PRUNE1: variants seen among roughly 807,000 people sequenced by gnomAD.
PRUNE1 encodes exopolyphosphatase PRUNE1.
PRUNE1 carries 25 observed loss-of-function variants against 42.5 expected under a neutral mutation model. The ratio of observed to expected loss-of-function variants is 0.59; its 90% CI spans 0.43 to 0.82. PRUNE1 has a LOEUF of 0.82. PRUNE1 is among the 40% of genes least tolerant of loss of function. PRUNE1 has a pLI of 0.00. For synonymous variants in PRUNE1, 203 were observed against 217.1 expected, an observed-to-expected ratio of 0.93 and a Z score of 0.57; for missense variants, 443 against 539.3, an observed-to-expected ratio of 0.82 and a Z score of 1.77.
intron 7 of PRUNE1, among the ~76,000 whole-genome samples, chr1:151,029,578 A>G (rs979411670): frequency 6.6e-6 from 1 of 151,566 alleles, no homozygotes; most frequent in African/African-American, 2.4e-5. Flanking sequence ...CGTGTTAGCC[A>G]GGATAGTCTC....
In PRUNE1 at chr1:151,017,439, G is replaced by A. The variant is rs1674174712; in HGVS notation, c.40-373G>A. Among the ~76,000 whole-genome samples the A allele has an allele frequency of 3.9e-5, 6 of 152,192 alleles. No individual in the cohort carries two copies. In the South Asian group the frequency reaches 1.2e-3, roughly 32 times the overall value. On this transcript the variant is annotated intron_variant, in intron 1 of 7. Transcript: ENST00000271620. ...TGAAGATCAATGAGAGGAAGTGTGT[G>A]AAGCCCTACATGAGTATAAGGTAGA...
chr1:151,021,239 T>G (rs1245513694), intron 3 of PRUNE1, among the ~76,000 whole-genome samples: 1 of 151,978 alleles, frequency 6.6e-6, no homozygotes, highest in East Asian at 1.9e-4. Flanking sequence ...CAGAATCACC[T>G]GAGGTCAGGA....
chr1:151,013,306 T>A (rs1673895408), intron 1 of PRUNE1, among the ~76,000 whole-genome samples: 1 of 152,192 alleles, frequency 6.6e-6, no homozygotes. Context: ...GGAATGCTGC[T>A]GCCTCCCTTG....
At chr1:151,031,992 C>T (rs587749879) in intron 7 of PRUNE1, among the ~76,000 whole-genome samples, 1 of 152,294 alleles carries the variant, frequency 6.6e-6, no homozygotes, top group East Asian at 1.9e-4. Context: ...TGCCTGTAAT[C>T]CCAGAACTTT....
chr1:151,027,252 G>T lies in PRUNE1; in HGVS notation c.699G>T (p.Met233Ile). ...TTCTAGGACTGACCACTGAGCAGAT[G>T]CTGAGAAAAGACCAGAAGACTATCT... Reference protein sequence around the residue: ...FDVSGLTTEQMLRKDQKTIYR... With the variant: ...FDVSGLTTEQILRKDQKTIYR... Residue 233 changes from methionine (M) to isoleucine (I), a missense_variant, in exon 6 of 8, where the codon ATG (methionine) becomes ATT (isoleucine). Met to Ile is a conservative substitution (Grantham distance 10, BLOSUM62 1). Transcript: ENST00000271620. 1.2e-6 allele frequency: 2 copies of T among 1,610,176 alleles called. No homozygotes were observed. The highest frequency in any genetic ancestry group is 1.7e-5 in the Admixed American group (1 of 59,984).
chr1:151,028,936 C>G lies in PRUNE1; in HGVS notation c.925C>G (p.Gln309Glu), dbSNP rs746022484. ...TATTTTCTGTCCCCATGTGGCACTCCAAACAACGGTGAGTCTGTGTCCCTT... is the reference window on the plus strand; with the variant it reads ...TATTTTCTGTCCCCATGTGGCACTCGAAACAACGGTGAGTCTGTGTCCCTT... ...LAIFCPHVAL[Q>E]TTICEVLERS... is the part of the protein sequence containing the mutation. Residue 309 changes from glutamine (Q) to glutamate (E), a missense_variant, in exon 7 of 8, where the codon CAA becomes GAA. Coordinates refer to ENST00000271620, the MANE Select transcript of PRUNE1 (RefSeq NM_021222.3). The G allele has an allele frequency of 1.9e-6, 3 of 1,612,554 alleles. No homozygotes were observed. The African/African-American group carries it at 4.0e-5, about 22-fold the overall frequency.
At chr1:151,023,402 C>G (rs587719316) in intron 3 of PRUNE1, among the ~76,000 whole-genome samples, 2 of 152,248 alleles carry the variant, frequency 1.3e-5, no homozygotes, top group Admixed American at 6.5e-5. Flanking sequence ...CACATGGAAT[C>G]TAAGTATTGA....
At chr1:151,025,715 A>G in intron 5 of PRUNE1, 42 bp downstream of exon 5, 1 of 1,564,942 alleles carries the variant, frequency 6.4e-7, no homozygotes, top group Non-Finnish European at 8.7e-7. Context: ...CAGATAAGAA[A>G]ACAGAAAGGC....
At position 151,008,731 on chromosome 1, in the gene PRUNE1, A is replaced by G; in HGVS notation, c.39+60A>G. On this transcript the variant is annotated intron_variant, in intron 1 of 7. Transcript: ENST00000271620. ...AGCACGGGGTCCAGGAAGGACGAAG[A>G]CGTGGGATCTGGGGGAGCCTCGACG... 2.5e-6 allele frequency: 4 copies of G among 1,590,692 alleles called. No individual in the cohort carries two copies. The South Asian group carries it at 4.4e-5, about 18-fold the overall frequency.
intron 3 of PRUNE1, among the ~76,000 whole-genome samples, chr1:151,021,146 CA>C (rs1162451001): frequency 0.021 from 1,657 of 80,588 alleles, 23 homozygotes; most frequent in East Asian, 0.1. Flanking sequence ...TGCTCTGTCT[CA>C]AAAAAAAAAA....
At chr1:151,031,193 GT>G (rs777752037) in intron 7 of PRUNE1, among the ~76,000 whole-genome samples, 12 of 119,542 alleles carry the variant, frequency 1.0e-4, no homozygotes, top group Middle Eastern at 4.7e-3. Context: ...GTGTGTGTGT[GT>G]TTTTTTTTTT....
rs1023835142 is a variant in PRUNE1, at chr1:151,018,609, A to G, written c.275A>G (p.His92Arg). The G allele has an allele frequency of 5.0e-6, 8 of 1,614,106 alleles. No homozygotes were observed. The highest frequency in any genetic ancestry group is 1.6e-4 in the Middle Eastern group (1 of 6,084). The change falls in exon 3 of 8, where the codon CAT (histidine) becomes CGT (arginine). Residue 92 changes from histidine to arginine, a missense_variant. His to Arg is a conservative substitution (Grantham distance 29, BLOSUM62 0). Transcript: ENST00000271620. ...ATTTTTCGGGATGAGATTGACCTCC[A>G]TGCATTATACCAGGCTGGCCAACTC... ...ILIFRDEIDL[H>R]ALYQAGQLTL...
At chr1:151,018,715 G>T in intron 3 of PRUNE1, 46 bp downstream of exon 3, 2 of 1,540,836 alleles carry the variant, frequency 1.3e-6, no homozygotes, top group Non-Finnish European at 8.9e-7. Flanking sequence ...TACCATGCTG[G>T]GCTCTGATGA....
intron 7 of PRUNE1, among the ~76,000 whole-genome samples, chr1:151,029,466 A>C (rs925358735): frequency 5.5e-5 from 8 of 146,494 alleles, no homozygotes; most frequent in Admixed American, 2.1e-4. Flanking sequence ...CTCCTGGGTT[A>C]ACGCCATTGT....
At chr1:151,021,820 TTG>T (rs587667625) in intron 3 of PRUNE1, among the ~76,000 whole-genome samples, 2,312 of 147,918 alleles carry the variant, frequency 0.016, 55 homozygotes, top group African/African-American at 0.051. Flanking sequence ...CGGGATAATT[TTG>T]TGTGTGTGTG....
At chr1:151,014,366 C>A (rs1396792271) in intron 1 of PRUNE1, among the ~76,000 whole-genome samples, 1 of 152,140 alleles carries the variant, frequency 6.6e-6, no homozygotes, top group East Asian at 1.9e-4. Context: ...TGGGCAGAAC[C>A]CGGACAGATA....
chr1:151,019,420 G>A (rs957526165), intron 3 of PRUNE1, among the ~76,000 whole-genome samples: 1 of 151,928 alleles, frequency 6.6e-6, no homozygotes. Context: ...ATTAGGCACG[G>A]TGGTGCATGC....
At chr1:151,017,742 T>TA in intron 1 of PRUNE1, 70 bp from the exon 2 acceptor site, 8 of 1,022,222 alleles carry the variant, frequency 7.8e-6, no homozygotes, top group South Asian at 3.2e-5. Flanking sequence ...TATATATTAT[T>TA]TAAAAAAAAA....
In PRUNE1 at chr1:151,023,748, T is replaced by C. The variant is rs11204761; in HGVS notation, c.336-863T>C. 3.9e-3 allele frequency among the ~76,000 whole-genome samples: 573 copies of C among 148,716 alleles called. 3 individuals are homozygous for C. The highest frequency in any genetic ancestry group is 8.1e-3 in the South Asian group (38 of 4,706). The stretch of plus-strand genomic sequence containing the variant: ...AAAAAAAAAAAAGGAGAAATTTAGA[T>C]GTTGGGTATCAAGGGTGTCAAGGGT... On this transcript the variant is annotated intron_variant, in intron 3 of 7. Transcript: ENST00000271620.
Sources: allele counts gnomAD v4.1 joint callset (sites outside exome capture counted in the v4.1 genomes callset), GRCh38; gene constraint gnomAD v4.1.1; transcripts MANE v1.5; gene names NCBI Gene and HGNC (gene_info 2026-07-23, HGNC 2026-07-21).